Variants in ROR1 observed in about 807,000 individuals in gnomAD.
ROR1 encodes the protein inactive tyrosine-protein kinase transmembrane receptor ROR1.
A neutral mutation model predicts 78.8 loss-of-function variants in ROR1; 19 were observed. That is an observed-to-expected ratio of 0.24 (90% CI 0.17 to 0.35). ROR1 has a LOEUF of 0.35. ROR1 is among the 10% of genes least tolerant of loss of function. ROR1 has a pLI of 1.00. For missense variants in ROR1, 917 were observed against 1,177.8 expected (o/e 0.78, Z 3.24); for synonymous variants, 386 against 433.6 (o/e 0.89, Z 1.36).
intron 2 of ROR1, among the ~76,000 whole-genome samples, chr1:64,040,206 G>A (rs1386234012): frequency 6.6e-6 from 1 of 152,136 alleles, no homozygotes; most frequent in East Asian, 1.9e-4. Context: ...AATTGGGATG[G>A]ATGAGGCTGA....
At chr1:63,829,159 A>G (rs1644972074) in intron 1 of ROR1, among the ~76,000 whole-genome samples, 1 of 152,232 alleles carries the variant, frequency 6.6e-6, no homozygotes, top group South Asian at 2.1e-4. Context: ...GCTGTGTGGT[A>G]ATAGCTAATG....
chr1:64,004,495 G>A (rs933447070), intron 1 of ROR1, among the ~76,000 whole-genome samples: 16 of 152,148 alleles, frequency 1.1e-4, no homozygotes, highest in African/African-American at 3.9e-4. Flanking sequence ...CTCAGTGAGT[G>A]GTCAAGAAAG....
chr1:64,145,619 G>T (rs1477145472), intron 7 of ROR1, among the ~76,000 whole-genome samples: 1 of 152,138 alleles, frequency 6.6e-6, no homozygotes, highest in African/African-American at 2.4e-5. Context: ...TCTGTATTTT[G>T]TAATGGTTTG....
At chr1:64,165,255 GT>G (rs1212125459) in intron 8 of ROR1, among the ~76,000 whole-genome samples, 1 of 152,106 alleles carries the variant, frequency 6.6e-6, no homozygotes, top group African/African-American at 2.4e-5. Flanking sequence ...AGAATCTGTT[GT>G]TTTTTGACCT....
At chr1:63,992,742 CA>C (rs1379220653) in intron 1 of ROR1, among the ~76,000 whole-genome samples, 1 of 152,162 alleles carries the variant, frequency 6.6e-6, no homozygotes, top group Non-Finnish European at 1.5e-5. Flanking sequence ...AATAACACAT[CA>C]GCAAATGTTT....
intron 1 of ROR1, among the ~76,000 whole-genome samples, chr1:63,996,574 A>T (rs1646338607): frequency 1.3e-5 from 2 of 152,198 alleles, no homozygotes; most frequent in South Asian, 4.1e-4. Context: ...TATCTCTCTG[A>T]TTAAGATAAT....
intron 1 of ROR1, among the ~76,000 whole-genome samples, chr1:63,796,823 C>G: frequency 6.6e-6 from 1 of 152,228 alleles, no homozygotes; most frequent in East Asian, 1.9e-4. Flanking sequence ...GGCAATGCAC[C>G]GAGCCCTGAG....
At chr1:64,014,505 G>T (rs1211947311) in intron 2 of ROR1, among the ~76,000 whole-genome samples, 1 of 150,742 alleles carries the variant, frequency 6.6e-6, no homozygotes, top group Non-Finnish European at 1.5e-5. Flanking sequence ...AGAGTGTTGG[G>T]GTGGGTGTGA....
intron 4 of ROR1, among the ~76,000 whole-genome samples, chr1:64,135,362 G>A (rs368831445): frequency 1.3e-5 from 2 of 152,174 alleles, no homozygotes; most frequent in Admixed American, 1.3e-4. Context: ...ATATCTGGGG[G>A]TAATTCCAGG....
chr1:63,929,090 A>G (rs961542371), intron 1 of ROR1, among the ~76,000 whole-genome samples: 13 of 152,120 alleles, frequency 8.5e-5, no homozygotes, highest in Non-Finnish European at 1.6e-4. Context: ...TGCCTCAGGG[A>G]TATGGGGCTT....
rs570887613 is a variant in ROR1 at position 63,869,421 on chromosome 1, A to G, written c.91+94913A>G. Among the ~76,000 whole-genome samples, 606 of 152,244 alleles carry G rather than the reference A, an allele frequency of 4.0e-3. 3 individuals carry two copies. Among genetic ancestry groups the G allele is most frequent in the African/African-American group, 0.014 (583 of 41,524 alleles). On this transcript the variant is annotated intron_variant, in intron 1 of 8. Coordinates refer to ENST00000371079, the MANE Select transcript of ROR1 (RefSeq NM_005012.4). ...ACTTTGGCCTTTGTGCCTGGCTTCT[A>G]TGCCAACCTGCCAAGTCCTTGAGAT... is the stretch of plus-strand genomic sequence containing the variant.
At chr1:63,873,554 G>A (rs149264095) in intron 1 of ROR1, among the ~76,000 whole-genome samples, 234 of 152,188 alleles carry the variant, frequency 1.5e-3, no homozygotes, top group Non-Finnish European at 2.8e-3. Flanking sequence ...ACTGATTCAT[G>A]CAATCTCTCA....
intron 1 of ROR1, among the ~76,000 whole-genome samples, chr1:63,792,225 G>T (rs993831616): frequency 6.6e-6 from 1 of 152,124 alleles, no homozygotes; most frequent in African/African-American, 2.4e-5. Flanking sequence ...CAAAGCAAAT[G>T]CCTTGAAATG....
intron 1 of ROR1, among the ~76,000 whole-genome samples, chr1:64,002,394 G>A (rs1646392009): frequency 6.6e-6 from 1 of 152,146 alleles, no homozygotes; most frequent in Non-Finnish European, 1.5e-5. Context: ...AAAGTGCTGG[G>A]ATTACAGGCG....
At chr1:63,932,566 T>G (rs1442266534) in intron 1 of ROR1, among the ~76,000 whole-genome samples, 1 of 152,162 alleles carries the variant, frequency 6.6e-6, no homozygotes, top group East Asian at 1.9e-4. Flanking sequence ...CAAGGAAGAA[T>G]GATGCCCCTG....
chr1:64,062,691 C>T (rs1365571912), intron 4 of ROR1, among the ~76,000 whole-genome samples: 1 of 152,168 alleles, frequency 6.6e-6, no homozygotes, highest in Non-Finnish European at 1.5e-5. Flanking sequence ...AGATTTCTGG[C>T]TTTGCATGTG....
rs538377087 is a variant in ROR1 at position 63,936,116 on chromosome 1, T to A, written c.92-73189T>A. 2.6e-5 allele frequency among the ~76,000 whole-genome samples: 4 copies of A among 152,328 alleles called. No individual in the cohort carries two copies. In the East Asian group the frequency reaches 7.7e-4, roughly 29 times the overall value. ...TGAAAGACCGTTATGGAGAAAGGAT[T>A]AATGCCTTCAGCCTTACCATTAGTT... On this transcript the variant is annotated intron_variant, in intron 1 of 8. Transcript: ENST00000371079.
At chr1:63,775,437 A>C (rs1381442572) in intron 1 of ROR1, 2 of 152,012 alleles carry the variant, frequency 1.3e-5, no homozygotes, top group Non-Finnish European at 2.9e-5. Context: ...AAGTTGATTA[A>C]AGTCTCCGGG....
intron 8 of ROR1, among the ~76,000 whole-genome samples, chr1:64,166,857 A>T (rs1180285082): frequency 6.6e-6 from 1 of 152,206 alleles, no homozygotes; most frequent in Non-Finnish European, 1.5e-5. Flanking sequence ...TGCCCGGTAC[A>T]TAACCTCAGC....
Sources: gnomAD v4.1 joint callset for allele counts (sites outside exome capture counted in the v4.1 genomes callset) on GRCh38, gnomAD v4.1.1 for gene constraint, MANE v1.5 for transcripts, NCBI Gene and HGNC (gene_info 2026-07-23, HGNC 2026-07-21) for gene names.